The following AGBL1 variants were observed in gnomAD, a reference collection of about 807,000 sequenced individuals.
AGBL1 encodes the protein AGBL carboxypeptidase 1, also known as cytosolic carboxypeptidase 4.
A neutral mutation model predicts 118.9 loss-of-function variants in AGBL1; 130 were observed. The observed-to-expected ratio is 1.09, with a 90% CI of 0.95 to 1.26. The LOEUF (loss-of-function observed/expected upper bound fraction) is 1.26. Ranked by LOEUF, AGBL1 falls within the 50% of genes most tolerant of loss-of-function variation. The probability of loss-of-function intolerance (pLI) is 0.00; values close to 1 mark genes in which losing one functional copy is unlikely to be tolerated. For synonymous variants in AGBL1, 555 were observed against 478.9 expected (o/e 1.16, Z -2.08); for missense variants, 1,584 against 1,298.1 (o/e 1.22, Z -3.38).
At chr15:86,640,809 G>A (rs986220941) in intron 21 of AGBL1, among the ~76,000 whole-genome samples, 2 of 152,056 alleles carry the variant, frequency 1.3e-5, no homozygotes, top group African/African-American at 4.8e-5. Flanking sequence ...GCATTTTTCT[G>A]AAAATAATTA....
chr15:87,029,611 A>T (rs1235982586), downstream of AGBL1, among the ~76,000 whole-genome samples: 43 of 151,938 alleles, frequency 2.8e-4, no homozygotes, highest in Admixed American at 2.8e-3. Context: ...CTATAGTTAT[A>T]TGTCCATTTT....
rs186811211 is a variant in AGBL1, at chr15:86,576,619, C to A, written c.2994+22082C>A. On this transcript the variant is annotated intron_variant, in intron 21 of 22. Coordinates refer to ENST00000614907, the MANE Select transcript of AGBL1 (RefSeq NM_001386094.1). ...AGGTCTTTAGGCTGCACTTGAAATA[C>A]CTAAGGAGGCAGTGATATAGTTTGG... Among the ~76,000 whole-genome samples the A allele has an allele frequency of 3.0e-4, 45 of 152,252 alleles. No individual in the cohort carries two copies. In the Middle Eastern group the frequency reaches 0.01, roughly 35 times the overall value.
intron 19 of AGBL1, among the ~76,000 whole-genome samples, chr15:86,531,992 A>G (rs1596233670): frequency 6.6e-6 from 1 of 151,720 alleles, no homozygotes; most frequent in Admixed American, 6.6e-5. Flanking sequence ...TGACAAACCC[A>G]CAGCCAATAT....
chr15:86,848,281 T>C (rs549012261), intron 22 of AGBL1, among the ~76,000 whole-genome samples: 2 of 152,322 alleles, frequency 1.3e-5, no homozygotes, highest in Admixed American at 1.3e-4. Flanking sequence ...ATGGTTTTTA[T>C]TTTTTAGTTT....
chr15:86,840,549 G>A (rs1056959117), intron 22 of AGBL1, among the ~76,000 whole-genome samples: 2 of 152,098 alleles, frequency 1.3e-5, no homozygotes, highest in African/African-American at 2.4e-5. Context: ...TGGTTCAAGC[G>A]ATTTCTCCTG....
intron 21 of AGBL1, among the ~76,000 whole-genome samples, chr15:86,650,910 A>G (rs2085358634): frequency 1.3e-5 from 2 of 152,208 alleles, no homozygotes; most frequent in Non-Finnish European, 2.9e-5. Context: ...TGGGGATTTC[A>G]TTGACTTCAC....
chr15:86,705,308 A>C (rs1352338722), intron 22 of AGBL1, among the ~76,000 whole-genome samples: 2 of 152,156 alleles, frequency 1.3e-5, no homozygotes, highest in African/African-American at 2.4e-5. Context: ...AAAACAAAAC[A>C]AAACAAAAAC....
intron 18 of AGBL1, among the ~76,000 whole-genome samples, chr15:86,492,826 G>C (rs1457426612): frequency 6.6e-6 from 1 of 152,110 alleles, no homozygotes; most frequent in African/African-American, 2.4e-5. Flanking sequence ...TATGGTAAAA[G>C]TGGAGATGCG....
At chr15:86,513,049 C>A (rs2083072344) in intron 18 of AGBL1, among the ~76,000 whole-genome samples, 1 of 151,730 alleles carries the variant, frequency 6.6e-6, no homozygotes, top group Non-Finnish European at 1.5e-5. Context: ...ACCCAGCTTA[C>A]CTAAATGCTA....
In AGBL1 at chr15:86,984,592, C is replaced by G. The variant is rs904153045; in HGVS notation, c.3222-3395C>G. Among the ~76,000 whole-genome samples, 7 of 152,138 alleles carry G rather than the reference C, an allele frequency of 4.6e-5. No individual in the cohort carries two copies. The South Asian group carries it at 6.2e-4, about 14-fold the overall frequency. On this transcript the variant is annotated intron_variant, in intron 23 of 24. Coordinates refer to the AGBL1 transcript ENST00000441037. ...TCTTGGCCAGGCTCGTCTTGAACACCTGACCTTGTGATCCACCCGCCTCAG... is the reference window on the plus strand; with the variant it reads ...TCTTGGCCAGGCTCGTCTTGAACACGTGACCTTGTGATCCACCCGCCTCAG...
At chr15:86,674,211 A>T in intron 21 of AGBL1, 62 bp from the exon 22 acceptor site, 9 of 1,485,518 alleles carry the variant, frequency 6.1e-6, no homozygotes, top group Non-Finnish European at 8.3e-6. Flanking sequence ...TCCTAATTTC[A>T]AAGTGTCACC....
intron 21 of AGBL1, among the ~76,000 whole-genome samples, chr15:86,642,905 C>A (rs1249248414): frequency 6.6e-6 from 1 of 152,090 alleles, no homozygotes. Flanking sequence ...CTAACTCATA[C>A]TGTTAAAATA....
chr15:86,143,789 C>T lies in AGBL1; in HGVS notation c.206C>T (p.Pro69Leu), dbSNP rs778017833. The change falls in exon 3 of 23, where the codon CCA becomes CTA. Residue 69 changes from proline (P) to leucine (L), a missense_variant. Coordinates refer to ENST00000614907, the MANE Select transcript of AGBL1 (RefSeq NM_001386094.1). ...GTAGACACAGCGAGGACAGCTCCTC[C>T]AGACTATGACATCCTCCTGCCTCTC... ...TLVDTARTAPPDYDILLPLFR... is the reference protein window; with the variant it reads ...TLVDTARTAPLDYDILLPLFR... 1.2e-6 allele frequency: 2 copies of T among 1,613,804 alleles called. No individual in the cohort carries two copies. The highest frequency in any genetic ancestry group is 2.7e-5 in the African/African-American group (2 of 74,940).
chr15:86,867,383 G>A (rs755846486), intron 22 of AGBL1, among the ~76,000 whole-genome samples: 2 of 152,146 alleles, frequency 1.3e-5, no homozygotes, highest in Non-Finnish European at 2.9e-5. Context: ...CTACTAGGTA[G>A]GAGAGAATAA....
intron 24 of AGBL1, among the ~76,000 whole-genome samples, chr15:86,989,562 A>G (rs1167913880): frequency 6.6e-6 from 1 of 152,168 alleles, no homozygotes; most frequent in African/African-American, 2.4e-5. Flanking sequence ...CCAATATTAA[A>G]TTTGTTGATT....
At chr15:86,882,626 G>T (rs2079911965) in intron 22 of AGBL1, among the ~76,000 whole-genome samples, 1 of 152,186 alleles carries the variant, frequency 6.6e-6, no homozygotes, top group African/African-American at 2.4e-5. Context: ...AAAATGGTCT[G>T]TAGGGTTATT....
chr15:86,956,755 C>A (rs1027253681), intron 23 of AGBL1, among the ~76,000 whole-genome samples: 3 of 152,110 alleles, frequency 2.0e-5, no homozygotes, highest in African/African-American at 7.2e-5. Context: ...AATTAATCAT[C>A]ACATATGCCA....
At chr15:86,090,165 T>A (rs1277529544) in intron 1 of AGBL1, among the ~76,000 whole-genome samples, 1 of 152,188 alleles carries the variant, frequency 6.6e-6, no homozygotes, top group Non-Finnish European at 1.5e-5. Flanking sequence ...CTTGCAGTAT[T>A]TAAGTAGCAG....
chr15:86,470,336 A>T (rs1400997897), intron 18 of AGBL1, among the ~76,000 whole-genome samples: 1 of 152,164 alleles, frequency 6.6e-6, no homozygotes, highest in Non-Finnish European at 1.5e-5. Flanking sequence ...CTGTCCTTCC[A>T]CCATTGTCTG....
Sources: allele counts gnomAD v4.1 joint callset (sites outside exome capture counted in the v4.1 genomes callset), GRCh38; gene constraint gnomAD v4.1.1; transcripts MANE v1.5; gene names NCBI Gene and HGNC (gene_info 2026-07-23, HGNC 2026-07-21).